Variants in COL6A1 observed in about 807,000 individuals in gnomAD.
COL6A1 encodes the protein collagen type VI alpha 1 chain.
Under a neutral mutation model 145.6 loss-of-function variants are expected in COL6A1, and 80 were observed. That is an observed-to-expected ratio of 0.55 (90% CI 0.46 to 0.66). The LOEUF is 0.66. COL6A1 is among the 30% of genes least tolerant of loss of function. The pLI is 0.00. For synonymous variants in COL6A1, 638 were observed against 622.8 expected, an observed-to-expected ratio of 1.02 and a Z score of -0.36; for missense variants, 1,364 against 1,473.8, an observed-to-expected ratio of 0.93 and a Z score of 1.22.
In COL6A1 at chr21:45,989,659, G is replaced by GC. The variant is rs757968177; in HGVS notation, c.903+14dup. On this transcript the variant is annotated splice_region_variant and intron_variant, in intron 10 of 34. Coordinates refer to ENST00000361866, the MANE Select transcript of COL6A1 (RefSeq NM_001848.3). Reference sequence around the variant, plus strand: ...TGGGTACCAGGGAATGAAGGTACGTGCCCCCCCTTTCCTGGCCCGAGCCCG... The same window carrying GC: ...TGGGTACCAGGGAATGAAGGTACGTGCCCCCCCCTTTCCTGGCCCGAGCCCG... 3.7e-6 allele frequency: 6 copies of GC among 1,612,926 alleles called. No individual in the cohort carries two copies. The highest frequency in any genetic ancestry group is 4.2e-6 in the Non-Finnish European group (5 of 1,179,940).
intron 20 of COL6A1, among the ~76,000 whole-genome samples, chr21:45,997,185 G>T (rs1270673010): frequency 6.2e-5 from 8 of 129,448 alleles, no homozygotes; most frequent in Admixed American, 3.9e-4. Context: ...CTCCGTGGGG[G>T]CCTGAGGCAC....
chr21:46,003,222 G>A (rs1002134919), intron 34 of COL6A1, 73 bp downstream of exon 34: 2 of 1,610,018 alleles, frequency 1.2e-6, no homozygotes, highest in Non-Finnish European at 1.7e-6. Flanking sequence ...GAGAGGACGG[G>A]GCTCTGGGAG....
chr21:45,993,385 C>T (rs2077787522), intron 19 of COL6A1, among the ~76,000 whole-genome samples: 1 of 152,222 alleles, frequency 6.6e-6, no homozygotes, highest in Non-Finnish European at 1.5e-5. Flanking sequence ...GGGCAGCTGG[C>T]AGACTCCGGG....
intron 15 of COL6A1, among the ~76,000 whole-genome samples, 163 bp downstream of exon 15, chr21:45,991,204 G>A (rs1179779982): frequency 2.6e-5 from 4 of 152,222 alleles, no homozygotes; most frequent in Non-Finnish European, 4.4e-5. Flanking sequence ...GAGGAGCAGC[G>A]GGGACAGTGC....
rs755904449 is a variant in COL6A1, at chr21:46,003,470, C to G, written c.2544C>G (p.Thr848=). 11 of 1,608,542 alleles carry G rather than the reference C, an allele frequency of 6.8e-6. No homozygotes were observed. In the African/African-American group the frequency reaches 9.3e-5, roughly 14 times the overall value. ...ASVGSHNFDT[T]KRFAKRLAER... Reference sequence around the variant, plus strand: ...TGGGCAGCCACAACTTTGACACCACCAAGCGCTTCGCCAAGCGCCTGGCCG... The same window carrying G: ...TGGGCAGCCACAACTTTGACACCACGAAGCGCTTCGCCAAGCGCCTGGCCG... The change falls in exon 35 of 35, where the codon ACC becomes ACG. Residue 848 remains threonine (T), a synonymous_variant. Transcript: ENST00000361866.
intron 17 of COL6A1, 63 bp downstream of exon 17, chr21:45,992,280 G>A: frequency 1.9e-6 from 3 of 1,613,470 alleles, no homozygotes; most frequent in Non-Finnish European, 2.5e-6. Flanking sequence ...GATCCTCTTT[G>A]CTCGGGGTCT....
chr21:45,982,302 G>A (rs1206915537), intron 1 of COL6A1, among the ~76,000 whole-genome samples: 3 of 46,646 alleles, frequency 6.4e-5, no homozygotes, highest in Non-Finnish European at 8.9e-5. Context: ...CCCCGTTCTA[G>A]AAGAAGTCGT....
Position 45,981,863 on chromosome 21 carries a change from C to G in COL6A1, c.13C>G (p.Arg5Gly). 8 of 1,592,404 alleles carry G rather than the reference C, an allele frequency of 5.0e-6. No individual in the cohort carries two copies. Among genetic ancestry groups the G allele is most frequent in the Non-Finnish European group, 6.8e-6 (8 of 1,171,752 alleles). Residue 5 changes from arginine to glycine, a missense_variant, in exon 1 of 35, where the codon CGT becomes GGT. Transcript: ENST00000361866. ...GCAGGCCCCAGACATGAGGGCGGCC[C>G]GTGCTCTGCTGCCCCTGCTGCTGCA... The part of the protein sequence containing the change: MRAA[R>G]ALLPLLLQAC...
intron 2 of COL6A1, among the ~76,000 whole-genome samples, chr21:45,983,920 C>T (rs962648528): frequency 6.6e-6 from 1 of 152,210 alleles, no homozygotes; most frequent in Non-Finnish European, 1.5e-5. Flanking sequence ...GCCTCAGGCT[C>T]AGGTGCTCAG....
In COL6A1 at chr21:46,003,909, G is replaced by A. The variant is rs138673993; in HGVS notation, c.2983G>A (p.Asp995Asn). The A allele has an allele frequency of 1.1e-5, 18 of 1,605,520 alleles. No individual in the cohort carries two copies. The African/African-American group carries it at 1.3e-4, about 12-fold the overall frequency. Residue 995 changes from aspartate to asparagine, a missense_variant, in exon 35 of 35, where the codon GAC becomes AAC. Physicochemically the swap from Asp to Asn is conservative, Grantham distance 23 (BLOSUM62 1). Around this residue, in one of 3 missense-constraint regions of COL6A1, gnomAD observed 938 missense variants for 1,003.8 expected, o/e 0.93. Transcript: ENST00000361866. ...VLVTGKTAEY[D>N]VAYGESHLFR... ...GGTCACCGGCAAGACGGCCGAGTAC[G>A]ACGTGGCCTACGGCGAGAGCCACCT...
chr21:45,982,925 G>A (rs968340012), intron 2 of COL6A1, among the ~76,000 whole-genome samples, 162 bp downstream of exon 2: 5 of 152,080 alleles, frequency 3.3e-5, no homozygotes, highest in African/African-American at 9.7e-5. Flanking sequence ...GTGAGGCCGG[G>A]GCCCTTTCCG....
rs202231424 is a variant in COL6A1 at position 45,989,048 on chromosome 21, G to A, written c.805-36G>A. 16,015 of 1,604,462 alleles carry A rather than the reference G, an allele frequency of 1.0e-2. 113 individuals are homozygous for A. The highest frequency in any genetic ancestry group is 0.012 in the Admixed American group (704 of 58,406). ...GTGAGCCAGCTTTTTAGAAAGAAAC[G>A]GGGCTGCCCCAACCTTGACCTGTTT... On this transcript the variant is annotated intron_variant, in intron 8 of 34. Transcript: ENST00000361866.
In COL6A1 at chr21:45,984,999, G is replaced by A. The variant is rs553191105; in HGVS notation, c.428+530G>A. Among the ~76,000 whole-genome samples the A allele has an allele frequency of 3.7e-4, 57 of 152,056 alleles. No individual in the cohort carries two copies. In the South Asian group the frequency reaches 0.012, roughly 32 times the overall value. On this transcript the variant is annotated intron_variant, in intron 3 of 34. Transcript: ENST00000361866. ...AGACAGAGGGAAACAGAGAGAGACAGAGACAGATAGAAAAAGACAGAGGCA... is the reference window on the plus strand; with the variant it reads ...AGACAGAGGGAAACAGAGAGAGACAAAGACAGATAGAAAAAGACAGAGGCA...
intron 3 of COL6A1, among the ~76,000 whole-genome samples, chr21:45,986,122 T>C (rs1569517838): frequency 6.6e-6 from 1 of 152,196 alleles, no homozygotes; most frequent in African/African-American, 2.4e-5. Context: ...ATCACACCCA[T>C]TTCCTGCAAG....
chr21:46,000,005 ACCCGTGAGGATCATGGGG>A (rs1569518947), intron 27 of COL6A1, among the ~76,000 whole-genome samples: 3 of 3,920 alleles, frequency 7.7e-4, no homozygotes, highest in Admixed American at 5.2e-3. Context: ...ATCATGGGGG[ACCCGTGAGGATCATGGGG>A]GACCCGTGTG....
chr21:45,998,489 G>C, intron 24 of COL6A1, 56 bp downstream of exon 24: 1 of 1,609,918 alleles, frequency 6.2e-7, no homozygotes, highest in South Asian at 1.1e-5. Context: ...CACAGTCACA[G>C]GGACACGCAC....
chr21:45,992,474 G>T (rs142101984), intron 18 of COL6A1, 76 bp downstream of exon 18: 1 of 1,542,634 alleles, frequency 6.5e-7, no homozygotes, highest in Non-Finnish European at 8.8e-7. Flanking sequence ...GCCCAGTCTG[G>T]CCCTCCCAGC....
chr21:45,988,972 A>C, intron 8 of COL6A1, 112 bp from the exon 9 acceptor site: 1 of 1,295,166 alleles, frequency 7.7e-7, no homozygotes, highest in Non-Finnish European at 1.1e-6. Flanking sequence ...GGTGCTTTAA[A>C]GCCCTTGATC....
intron 27 of COL6A1, among the ~76,000 whole-genome samples, chr21:45,999,999 TGG>T (rs1556430376): frequency 1.1e-3 from 4 of 3,516 alleles, no homozygotes; most frequent in East Asian, 8.1e-3. Flanking sequence ...GTGAGGATCA[TGG>T]GGGACCCGTG....
Sources: gnomAD v4.1 joint callset for allele counts (sites outside exome capture counted in the v4.1 genomes callset) on GRCh38, gnomAD v4.1.1 for gene constraint, gnomAD v4.1.1 regional missense constraint, MANE v1.5 for transcripts, NCBI Gene and HGNC (gene_info 2026-07-23, HGNC 2026-07-21) for gene names.